Variants in LAMA2 observed in about 807,000 individuals in gnomAD.
LAMA2 encodes laminin subunit alpha 2, also known as laminin subunit alpha-2.
In LAMA2, 269 loss-of-function variants were observed where a neutral mutation model predicts 364.8. The observed-to-expected ratio is 0.74, with a 90% CI of 0.67 to 0.82. The LOEUF is 0.82. Among genes scored for constraint, LAMA2 ranks in the 40% least tolerant of loss-of-function variants. The probability of loss-of-function intolerance (pLI) is 0.00; values close to 1 mark genes in which losing one functional copy is unlikely to be tolerated. For missense variants in LAMA2, 3,807 were observed against 3,873.2 expected (o/e 0.98, Z 0.45); for synonymous variants, 1,379 against 1,370.6 (o/e 1.01, Z -0.14).
At chr6:129,151,596 G>A (rs994852463) in intron 7 of LAMA2, among the ~76,000 whole-genome samples, 1 of 152,168 alleles carries the variant, frequency 6.6e-6, no homozygotes, top group African/African-American at 2.4e-5. Flanking sequence ...AGGTTTAGTT[G>A]ACTCACCCTT....
chr6:129,004,433 A>C (rs1281370057), intron 1 of LAMA2, among the ~76,000 whole-genome samples: 2 of 147,792 alleles, frequency 1.4e-5, no homozygotes, highest in South Asian at 2.2e-4. Context: ...AAAAAAAAGA[A>C]GTATGATGAC....
At chr6:129,362,087 T>C (rs1172205238) in intron 32 of LAMA2, among the ~76,000 whole-genome samples, 1 of 151,988 alleles carries the variant, frequency 6.6e-6, no homozygotes, top group African/African-American at 2.4e-5. Context: ...ACCCAGCCAG[T>C]AGTAACCATT....
At chr6:129,428,946 C>T (rs567244670) in intron 41 of LAMA2, among the ~76,000 whole-genome samples, 1 of 152,226 alleles carries the variant, frequency 6.6e-6, no homozygotes, top group East Asian at 1.9e-4. Context: ...CAGTTTCATT[C>T]CCTACCATTT....
At chr6:129,157,460 C>A (rs574265245) in intron 8 of LAMA2, 1 of 1,560,426 alleles carries the variant, frequency 6.4e-7, no homozygotes, top group Non-Finnish European at 8.8e-7. Context: ...ACTCTAATTC[C>A]ACCCATGCCA....
chr6:129,128,852 A>T (rs529214185), intron 4 of LAMA2, among the ~76,000 whole-genome samples: 1 of 152,380 alleles, frequency 6.6e-6, no homozygotes, highest in South Asian at 2.1e-4. Context: ...TTTATATAGT[A>T]AAATCTTTTC....
chr6:128,912,414 T>G (rs1361053228), intron 1 of LAMA2, among the ~76,000 whole-genome samples: 1 of 152,190 alleles, frequency 6.6e-6, no homozygotes, highest in African/African-American at 2.4e-5. Flanking sequence ...AAAGGTTTTA[T>G]TTTTTACATT....
At chr6:129,350,911 TA>T (rs1776818421) in intron 31 of LAMA2, among the ~76,000 whole-genome samples, 1 of 152,182 alleles carries the variant, frequency 6.6e-6, no homozygotes, top group Non-Finnish European at 1.5e-5. Flanking sequence ...TGCATATATA[TA>T]AAACAGTGGA....
At chr6:129,155,326 A>G (rs1779044838) in intron 8 of LAMA2, among the ~76,000 whole-genome samples, 2 of 152,156 alleles carry the variant, frequency 1.3e-5, no homozygotes, top group African/African-American at 4.8e-5. Context: ...TTGCCAAATT[A>G]GTAATAATGT....
At chr6:128,920,657 A>T (rs891424514) in intron 1 of LAMA2, among the ~76,000 whole-genome samples, 16 of 150,538 alleles carry the variant, frequency 1.1e-4, no homozygotes, top group African/African-American at 3.4e-4. Context: ...AGTATTTGTT[A>T]TACAGACATT....
chr6:128,962,179 T>TAC lies in LAMA2; in HGVS notation c.112+78823_112+78824insCA, dbSNP rs1397480108. On this transcript the variant is annotated intron_variant, in intron 1 of 64. Coordinates refer to ENST00000421865, the MANE Select transcript of LAMA2 (RefSeq NM_000426.4). The stretch of plus-strand genomic sequence containing the variant: ...ATATATATATATATATATATATATA[T>TAC]ATATATACACACATACACACACACA... Among the ~76,000 whole-genome samples, 16 of 120,242 alleles carry TAC rather than the reference T, an allele frequency of 1.3e-4. 1 individual carries two copies. Among genetic ancestry groups the TAC allele is most frequent in the African/African-American group, 5.2e-4 (14 of 26,908 alleles). 78.9% of individuals were successfully genotyped at this position (120,242 alleles called of 152,430 possible).
chr6:128,917,347 A>T (rs1437597512), intron 1 of LAMA2, among the ~76,000 whole-genome samples: 1 of 152,138 alleles, frequency 6.6e-6, no homozygotes, highest in Non-Finnish European at 1.5e-5. Context: ...ATTTTTCTTA[A>T]CTATTTAAAA....
intron 4 of LAMA2, among the ~76,000 whole-genome samples, chr6:129,124,064 GT>G (rs1231315321): frequency 1.3e-5 from 2 of 151,846 alleles, no homozygotes; most frequent in East Asian, 1.9e-4. Flanking sequence ...ACCTCAACAT[GT>G]TTTTTTTAAA....
chr6:128,929,084 C>T, intron 1 of LAMA2: 4 of 1,459,722 alleles, frequency 2.7e-6, no homozygotes, highest in Non-Finnish European at 3.8e-6. Flanking sequence ...ATCCAGAATC[C>T]ACACTGTGGA....
At chr6:128,902,092 T>C (rs1245289859) in intron 1 of LAMA2, among the ~76,000 whole-genome samples, 1 of 152,164 alleles carries the variant, frequency 6.6e-6, no homozygotes, top group Non-Finnish European at 1.5e-5. Context: ...AAAAGCCCCT[T>C]ATAAAACCAT....
At position 128,957,680 on chromosome 6, in the gene LAMA2, T is replaced by G. The variant is rs970369168; in HGVS notation, c.112+74323T>G. ...TAACACCCTTTTCTATGATGGCCAG[T>G]GTTTCACTGATGATCTTGTTGGCTG... On this transcript the variant is annotated intron_variant, in intron 1 of 64. Coordinates refer to ENST00000421865, the MANE Select transcript of LAMA2 (RefSeq NM_000426.4). Among the ~76,000 whole-genome samples, 31 of 49,120 alleles carry G rather than the reference T, an allele frequency of 6.3e-4. No homozygotes were observed. The Admixed American group carries it at 7.2e-3, about 11-fold the overall frequency. 32.2% of individuals were successfully genotyped at this position (49,120 alleles called of 152,430 possible).
At chr6:128,909,941 C>G (rs1294098750) in intron 1 of LAMA2, among the ~76,000 whole-genome samples, 1 of 151,852 alleles carries the variant, frequency 6.6e-6, no homozygotes, top group Non-Finnish European at 1.5e-5. Context: ...AAATTCTTTT[C>G]TTTAAGAATG....
Position 129,148,968 on chromosome 6 carries a change from T to C in LAMA2, c.910-11T>C, listed in dbSNP as rs1778640841. ...GGCTAAAATTTGTGCTTCCTCCCTC[T>C]TTTTGACTAGAAATCTCGCTGTGAG... On this transcript the variant is annotated splice_polypyrimidine_tract_variant and intron_variant, in intron 6 of 64. Coordinates refer to ENST00000421865, the MANE Select transcript of LAMA2 (RefSeq NM_000426.4). The C allele has an allele frequency of 2.5e-6, 4 of 1,597,120 alleles. No individual in the cohort carries two copies. The East Asian group carries it at 8.9e-5, about 36-fold the overall frequency.
chr6:129,503,202 C>T lies in LAMA2; in HGVS notation c.8469C>T (p.Pro2823=), dbSNP rs768892366. The change falls in exon 60 of 65, where the codon CCC becomes CCT. Residue 2823 remains proline (P), a synonymous_variant. Transcript: ENST00000421865. ...FATVQLRNGL[P]YFSYDLGSGD... Reference sequence around the variant, plus strand: ...CAGTTCAGCTGAGAAATGGATTGCCCTACTTCAGCTATGACTTGGGGAGTG... The same window carrying T: ...CAGTTCAGCTGAGAAATGGATTGCCTTACTTCAGCTATGACTTGGGGAGTG... 11 of 1,613,980 alleles carry T rather than the reference C, an allele frequency of 6.8e-6. No individual in the cohort carries two copies. The highest frequency in any genetic ancestry group is 1.3e-5 in the African/African-American group (1 of 74,930).
At chr6:129,411,805 A>G (rs1379723770) in intron 40 of LAMA2, among the ~76,000 whole-genome samples, 2 of 152,174 alleles carry the variant, frequency 1.3e-5, no homozygotes, top group East Asian at 3.9e-4. Flanking sequence ...ACTTGGATAT[A>G]AAGGGGCAAA....
Sources: gnomAD v4.1 joint callset for allele counts (sites outside exome capture counted in the v4.1 genomes callset) on GRCh38, gnomAD v4.1.1 for gene constraint, MANE v1.5 for transcripts, NCBI Gene and HGNC (gene_info 2026-07-23, HGNC 2026-07-21) for gene names.